Variants in ADAMTS16 observed in about 807,000 individuals in gnomAD.
ADAMTS16 encodes the protein A disintegrin and metalloproteinase with thrombospondin motifs 16.
ADAMTS16 carries 94 observed loss-of-function variants against 145.8 expected under a neutral mutation model. The observed-to-expected ratio is 0.64, with a 90% CI of 0.55 to 0.77. The LOEUF is 0.77. Among genes scored for constraint, ADAMTS16 ranks in the 30% least tolerant of loss-of-function variants. The pLI is 0.00. For missense variants in ADAMTS16, 1,585 were observed against 1,591.5 expected, an observed-to-expected ratio of 1.00 and a Z score of 0.07; for synonymous variants, 659 against 604.3, an observed-to-expected ratio of 1.09 and a Z score of -1.33.
At position 5,235,096 on chromosome 5, in the gene ADAMTS16, G is replaced by A. The variant is rs762290177; in HGVS notation, c.1933G>A (p.Val645Ile). The change falls in exon 13 of 23, where the codon GTT (valine) becomes ATT (isoleucine). Residue 645 changes from valine (V) to isoleucine (I), a missense_variant. Val to Ile is a conservative substitution (Grantham distance 29). This residue lies in a region of ADAMTS16 where 834 missense variants were observed against 811.7 expected (regional missense o/e 1.03). Coordinates refer to ENST00000274181, the MANE Select transcript of ADAMTS16 (RefSeq NM_139056.4). ...CAGTCAGAAATGTCCCCGGGACAGT[G>A]TTGACTTCCGTGCTGCTCAGTGTGC... ...CNSQKCPRDS[V>I]DFRAAQCAEH... is the part of the protein sequence containing the mutation. 1 of 1,608,330 alleles carries A rather than the reference G, an allele frequency of 6.2e-7. No homozygotes were observed. Among genetic ancestry groups the A allele is most frequent in the East Asian group, 2.2e-5 (1 of 44,648 alleles).
rs2126324035 is a variant in ADAMTS16 at position 5,212,887 on chromosome 5, G to T, written c.1605+3641G>T. Among the ~76,000 whole-genome samples, 3 of 151,946 alleles carry T rather than the reference G, an allele frequency of 2.0e-5. 1 individual carries two copies. In the Middle Eastern group the frequency reaches 0.01, roughly 517 times the overall value. ...GTTCCCTTTCTTCTGCCTTCTTTTA[G>T]ATTAAACTATTTTTTAAATTCAGTA... On this transcript the variant is annotated intron_variant, in intron 10 of 22. Coordinates refer to ENST00000274181, the MANE Select transcript of ADAMTS16 (RefSeq NM_139056.4).
In ADAMTS16 at chr5:5,319,676, C is replaced by T; in HGVS notation, c.*538C>T. 2.8e-6 allele frequency: 1 copy of T among 353,862 alleles called. No homozygotes were observed. The highest frequency in any genetic ancestry group is 5.5e-6 in the Non-Finnish European group (1 of 183,138). The allele number at this position is 353,862 out of a possible 1,614,324, so 21.9% of individuals were successfully genotyped here. A position where few individuals can be genotyped will look rare whatever the true frequency, so the allele number is the denominator to read the frequency against. On this transcript the variant is annotated 3_prime_UTR_variant, in exon 23 of 23. Transcript: ENST00000274181. ...TGCCCAGGCTCCTCCTCCTCCTCCC[C>T]AGCGGCCGAGCATCTCTTACCAGGA... is the stretch of plus-strand genomic sequence containing the variant.
chr5:5,246,761 C>T (rs904014190), intron 17 of ADAMTS16, among the ~76,000 whole-genome samples: 9 of 152,156 alleles, frequency 5.9e-5, no homozygotes, highest in South Asian at 2.1e-4. Flanking sequence ...TCGAGTACTT[C>T]GATCCAGTGA....
chr5:5,174,637 A>G (rs1268768010), intron 3 of ADAMTS16, among the ~76,000 whole-genome samples: 9 of 151,784 alleles, frequency 5.9e-5, no homozygotes, highest in Admixed American at 3.3e-4. Context: ...ATTCTTTTTT[A>G]TTCTTTTATT....
At chr5:5,289,510 A>G (rs190007450) in intron 18 of ADAMTS16, among the ~76,000 whole-genome samples, 131 of 152,366 alleles carry the variant, frequency 8.6e-4, no homozygotes, top group African/African-American at 2.7e-3. Flanking sequence ...AATCCATGAT[A>G]GCTAGGCTCA....
At chr5:5,183,780 C>T (rs939883295) in intron 4 of ADAMTS16, among the ~76,000 whole-genome samples, 71 of 152,120 alleles carry the variant, frequency 4.7e-4, no homozygotes, top group African/African-American at 1.6e-3. Context: ...TGGGAGTGTG[C>T]GTGTGTGTGT....
intron 17 of ADAMTS16, among the ~76,000 whole-genome samples, chr5:5,257,197 A>C (rs1156617885): frequency 2.0e-5 from 3 of 152,214 alleles, no homozygotes; most frequent in African/African-American, 7.2e-5. Context: ...TTTGCCCTTA[A>C]GTAATACATA....
intron 4 of ADAMTS16, among the ~76,000 whole-genome samples, chr5:5,184,068 C>G (rs1251175764): frequency 6.6e-6 from 1 of 152,156 alleles, no homozygotes; most frequent in Non-Finnish European, 1.5e-5. Flanking sequence ...CCTCGAGTGG[C>G]CAGGGGCCAT....
chr5:5,313,997 ACCT>A (rs1740565040), intron 21 of ADAMTS16, among the ~76,000 whole-genome samples: 2 of 152,160 alleles, frequency 1.3e-5, no homozygotes, highest in Admixed American at 1.3e-4. Flanking sequence ...GACCATGCAC[ACCT>A]CCTGGGTTTG....
At chr5:5,222,684 A>C (rs1329161174) in intron 10 of ADAMTS16, 105 bp from the exon 11 acceptor site, 11 of 939,778 alleles carry the variant, frequency 1.2e-5, no homozygotes, top group Middle Eastern at 2.3e-4. Context: ...ATTCGCTTGT[A>C]AATTATATCT....
chr5:5,186,303 T>A, intron 5 of ADAMTS16, 52 bp downstream of exon 5: 1 of 874,258 alleles, frequency 1.1e-6, no homozygotes, highest in Non-Finnish European at 1.6e-6. Context: ...CTTCGTAGGG[T>A]GTGTGTGTGT....
chr5:5,296,565 C>T (rs1051468800), intron 18 of ADAMTS16, among the ~76,000 whole-genome samples: 6 of 152,122 alleles, frequency 3.9e-5, no homozygotes, highest in African/African-American at 1.4e-4. Context: ...TTTCAAAAAT[C>T]GTGTTTCCAA....
At chr5:5,166,266 C>A (rs1379881382) in intron 3 of ADAMTS16, among the ~76,000 whole-genome samples, 1 of 146,652 alleles carries the variant, frequency 6.8e-6, no homozygotes, top group African/African-American at 2.5e-5. Flanking sequence ...CACACACAAA[C>A]ACACATACAT....
chr5:5,201,195 G>A (rs1735944716), intron 9 of ADAMTS16, among the ~76,000 whole-genome samples: 1 of 152,100 alleles, frequency 6.6e-6, no homozygotes, highest in Non-Finnish European at 1.5e-5. Context: ...GCACAGGAGG[G>A]TGTGCGGGAC....
At chr5:5,260,455 T>C (rs1248091627) in intron 17 of ADAMTS16, among the ~76,000 whole-genome samples, 1 of 152,234 alleles carries the variant, frequency 6.6e-6, no homozygotes, top group Admixed American at 6.5e-5. Flanking sequence ...AGAGAAATAA[T>C]TGCAAAATTC....
chr5:5,140,692 C>T lies in ADAMTS16; in HGVS notation c.101C>T (p.Ala34Val), dbSNP rs769958940. The change falls in exon 2 of 23, where the codon GCG (alanine) becomes GTG (valine). Residue 34 changes from alanine to valine, a missense_variant. Around this residue, in one of 3 missense-constraint regions of ADAMTS16, gnomAD observed 453 missense variants for 412.1 expected, o/e 1.10. Transcript: ENST00000274181. ...CCTGCGTGCGCCATGGGACCCGCAG[C>T]GGCAGCGCCTGGGAGCCCGAGCGTC... ...QAPACAMGPA[A>V]AAPGSPSVPR... 3 of 1,562,922 alleles carry T rather than the reference C, an allele frequency of 1.9e-6. No homozygotes were observed. The highest frequency in any genetic ancestry group is 1.8e-4 in the Middle Eastern group (1 of 5,416).
chr5:5,270,366 G>T (rs1286906583), intron 18 of ADAMTS16, among the ~76,000 whole-genome samples: 2 of 152,212 alleles, frequency 1.3e-5, no homozygotes, highest in East Asian at 1.9e-4. Flanking sequence ...CCTTGTCAAA[G>T]GTGCAGCCGT....
Position 5,187,363 on chromosome 5 carries a change from A to G in ADAMTS16, c.964-362A>G, listed in dbSNP as rs78045087. ...CTTTCTTGTATCCTCTTGGAATCCC[A>G]TAAGTGCGAGAGTTTCTCTTGCACT... On this transcript the variant is annotated intron_variant, in intron 5 of 22. Coordinates refer to ENST00000274181, the MANE Select transcript of ADAMTS16 (RefSeq NM_139056.4). Among the ~76,000 whole-genome samples, 199 of 152,188 alleles carry G rather than the reference A, an allele frequency of 1.3e-3. 4 individuals carry two copies. In the East Asian group the frequency reaches 0.024, roughly 19 times the overall value.
chr5:5,277,382 C>T (rs1738742275), intron 18 of ADAMTS16, among the ~76,000 whole-genome samples: 2 of 152,144 alleles, frequency 1.3e-5, no homozygotes, highest in Admixed American at 1.3e-4. Context: ...TGGAAATGGC[C>T]CCTGAGCTAT....
Sources: gnomAD v4.1 joint callset for allele counts (sites outside exome capture counted in the v4.1 genomes callset) on GRCh38, gnomAD v4.1.1 for gene constraint, gnomAD v4.1.1 regional missense constraint, MANE v1.5 for transcripts, NCBI Gene and HGNC (gene_info 2026-07-23, HGNC 2026-07-21) for gene names.